The following XG variants were observed in gnomAD, a reference collection of about 807,000 sequenced individuals.
XG encodes Xg glycoprotein (Xg blood group).
XG carries 24 observed loss-of-function variants against 25.7 expected under a neutral mutation model. The ratio of observed to expected loss-of-function variants is 0.93; its 90% confidence interval spans 0.68 to 1.31. The LOEUF is 1.31. Among genes scored for constraint, XG ranks in the 40% most tolerant of loss-of-function variants. XG has a pLI of 0.00. For synonymous variants in XG, 77 were observed against 69.2 expected, an observed-to-expected ratio of 1.11 and a Z score of -0.56; for missense variants, 181 against 187.6, an observed-to-expected ratio of 0.96 and a Z score of 0.21.
intron 1 of XG, among the ~76,000 whole-genome samples, chrX:2,766,557 CTTTTTTTTTTTTTT>C (rs1177391752): frequency 1.1e-5 from 1 of 90,170 alleles, no homozygotes; most frequent in Non-Finnish European, 2.1e-5. Context: ...CTTATGGCCA[CTTTTTTTTTTTTTT>C]TTTTTTTTTT....
intron 4 of XG, among the ~76,000 whole-genome samples, chrX:2,787,555 T>A: frequency 9.0e-6 from 1 of 111,294 alleles, no homozygotes; most frequent in South Asian, 3.9e-4. Flanking sequence ...TCCCCACTCC[T>A]CTGTTTGGCC....
chrX:2,797,844 CA>C (rs1313276661), intron 7 of XG, among the ~76,000 whole-genome samples: 5 of 110,811 alleles, frequency 4.5e-5, no homozygotes, highest in Non-Finnish European at 9.4e-5. Flanking sequence ...CCAGCCTGGA[CA>C]ACATGGAAAA....
chrX:2,801,642 C>T (rs1449785890), intron 7 of XG, among the ~76,000 whole-genome samples: 6 of 111,915 alleles, frequency 5.4e-5, no homozygotes, highest in African/African-American at 1.9e-4. Flanking sequence ...GGCCCTAGTT[C>T]CTGCCGGCAT....
intron 1 of XG, among the ~76,000 whole-genome samples, chrX:2,764,310 G>A (rs1407681475): frequency 6.6e-6 from 1 of 152,138 alleles, no homozygotes; most frequent in Non-Finnish European, 1.5e-5. Flanking sequence ...CGTCTATGGA[G>A]GAGCCATTCT....
chrX:2,810,368 C>T (rs1312102741), intron 9 of XG, among the ~76,000 whole-genome samples: 2 of 111,230 alleles, frequency 1.8e-5, no homozygotes, highest in Non-Finnish European at 3.8e-5. Context: ...AATTTGCCAT[C>T]GAGGCATTGA....
chrX:2,758,284 G>A (rs1343311577), intron 1 of XG, among the ~76,000 whole-genome samples: 2 of 152,136 alleles, frequency 1.3e-5, no homozygotes, highest in Admixed American at 1.3e-4. Context: ...TCATCACCTT[G>A]AAGGGAGGAG....
chrX:2,774,138 A>T (rs772417492), intron 2 of XG, among the ~76,000 whole-genome samples: 38 of 151,738 alleles, frequency 2.5e-4, no homozygotes, highest in African/African-American at 8.7e-4. Flanking sequence ...TGAAGCTCCA[A>T]TTTTCCCAGC....
At position 2,752,201 on chromosome X, in the gene XG, A is replaced by T. The variant is rs2050343787; in HGVS notation, c.-74A>T. The T allele has an allele frequency of 1.6e-5, 26 of 1,607,574 alleles. No individual in the cohort carries two copies. The South Asian group carries it at 2.9e-4, about 18-fold the overall frequency. On this transcript the variant is annotated 5_prime_UTR_variant, in exon 1 of 11. Coordinates refer to ENST00000644266, the MANE Select transcript of XG (RefSeq NM_001141919.2). ...TGGGAGACCAGAAGTCAACAACAGG[A>T]GGGTGGAGAGGCCGGGTCTCACAAT...
intron 8 of XG, among the ~76,000 whole-genome samples, chrX:2,807,168 G>A (rs2087006728): frequency 8.9e-6 from 1 of 112,809 alleles, no homozygotes. Flanking sequence ...ATGCATGTTT[G>A]TGTATGTGCA....
chrX:2,761,882 G>C (rs993662497), intron 1 of XG, among the ~76,000 whole-genome samples: 2 of 152,180 alleles, frequency 1.3e-5, no homozygotes, highest in African/African-American at 4.8e-5. Context: ...CAAGGTTGTT[G>C]TTTAAGCTGC....
intron 7 of XG, among the ~76,000 whole-genome samples, chrX:2,801,770 GTC>G (rs2086941580): frequency 9.0e-6 from 1 of 110,577 alleles, no homozygotes; most frequent in South Asian, 3.8e-4. Flanking sequence ...GTGCAGTGGC[GTC>G]ATCTCGGCTC....
chrX:2,805,103 C>T (rs1357406375), intron 7 of XG, among the ~76,000 whole-genome samples: 1 of 112,251 alleles, frequency 8.9e-6, no homozygotes, highest in Non-Finnish European at 1.9e-5. Context: ...GGATGAGTCA[C>T]GCGGCTTCTC....
chrX:2,800,412 G>C (rs1241151835), intron 7 of XG, among the ~76,000 whole-genome samples: 4 of 112,324 alleles, frequency 3.6e-5, no homozygotes, highest in Admixed American at 9.5e-5. Flanking sequence ...CCCCACCTCA[G>C]TCTGCTGGCC....
intron 4 of XG, among the ~76,000 whole-genome samples, chrX:2,784,695 A>C (rs1360130204): frequency 9.0e-6 from 1 of 111,402 alleles, no homozygotes; most frequent in Non-Finnish European, 1.9e-5. Flanking sequence ...CCCCAATAGG[A>C]GGAGGAGTGG....
chrX:2,780,174 C>T (rs763850120), intron 3 of XG, among the ~76,000 whole-genome samples: 5 of 149,418 alleles, frequency 3.3e-5, no homozygotes, highest in East Asian at 3.9e-4. Context: ...CCAAAACAGA[C>T]GGATGGTGAA....
intron 2 of XG, among the ~76,000 whole-genome samples, chrX:2,773,500 AGAGAAG>A: frequency 7.1e-6 from 1 of 140,790 alleles, no homozygotes; most frequent in African/African-American, 2.7e-5. Context: ...GGAAGGAAGG[AGAGAAG>A]GAAGGAAGGA....
At chrX:2,770,653 GTATAGTTAC>G in intron 2 of XG, 62 bp downstream of exon 2, 1 of 1,603,710 alleles carries the variant, frequency 6.2e-7, no homozygotes, top group Non-Finnish European at 8.5e-7. Flanking sequence ...AGCATCAGCT[GTATAGTTAC>G]TTTGGGGTTG....
At chrX:2,772,450 C>G (rs1349013975) in intron 2 of XG, among the ~76,000 whole-genome samples, 1 of 152,086 alleles carries the variant, frequency 6.6e-6, no homozygotes, top group African/African-American at 2.4e-5. Flanking sequence ...TGAAACAAGC[C>G]AGGCACAAAA....
chrX:2,780,062 G>C (rs1485634504), intron 3 of XG, among the ~76,000 whole-genome samples: 1 of 151,966 alleles, frequency 6.6e-6, no homozygotes, highest in African/African-American at 2.4e-5. Flanking sequence ...TTATTGGATT[G>C]CTATATTTTA....
Sources: gnomAD v4.1 joint callset for allele counts (sites outside exome capture counted in the v4.1 genomes callset) on GRCh38, gnomAD v4.1.1 for gene constraint, MANE v1.5 for transcripts, NCBI Gene and HGNC (gene_info 2026-07-23, HGNC 2026-07-21) for gene names.